The following FER1L5 variants were observed in gnomAD, a reference collection of about 807,000 sequenced individuals.
The protein encoded by FER1L5 is fer-1 like family member 5.
Under a neutral mutation model 279.9 loss-of-function variants are expected in FER1L5, and 187 were observed. The observed-to-expected ratio is 0.67, with a 90% confidence interval of 0.59 to 0.75. FER1L5 has a LOEUF of 0.75. FER1L5 is among the 30% of genes least tolerant of loss of function. FER1L5 has a pLI of 0.00. For synonymous variants in FER1L5, 921 were observed against 989.7 expected (o/e 0.93, Z 1.30); for missense variants, 2,091 against 2,594.4 (o/e 0.81, Z 4.21).
chr2:96,696,136 G>C, intron 37 of FER1L5, 59 bp downstream of exon 37: 2 of 1,605,584 alleles, frequency 1.2e-6, no homozygotes, highest in Non-Finnish European at 1.7e-6. Flanking sequence ...TAACCCTTGG[G>C]CCTAAGGAGG....
Position 96,698,198 on chromosome 2 carries a change from C to T in FER1L5, c.4356+42C>T. The stretch of plus-strand genomic sequence containing the variant: ...GCTTAGCTGCCCCTGTCTCCTTGTG[C>T]ACCTTCTGTCCCTGGAAAACGAATA... On this transcript the variant is annotated intron_variant, in intron 40 of 52. Coordinates refer to ENST00000624922, the MANE Select transcript of FER1L5 (RefSeq NM_001293083.2). The surrounding 1 kb of genome is among the most constrained non-coding windows in gnomAD (Gnocchi z 5.5). The T allele has an allele frequency of 6.5e-7, 1 of 1,533,498 alleles. No homozygotes were observed. The highest frequency in any genetic ancestry group is 8.8e-7 in the Non-Finnish European group (1 of 1,136,580). 95.0% of individuals were successfully genotyped at this position (1,533,498 alleles called of 1,614,324 possible).
chr2:96,660,419 G>T, intron 10 of FER1L5, 48 bp downstream of exon 10: 5 of 1,535,202 alleles, frequency 3.3e-6, no homozygotes, highest in Non-Finnish European at 4.4e-6. Context: ...GAAAAATCAG[G>T]CCAAGGGTCA....
chr2:96,673,962 T>C (rs2076420473), intron 19 of FER1L5, among the ~76,000 whole-genome samples: 1 of 152,182 alleles, frequency 6.6e-6, no homozygotes, highest in African/African-American at 2.4e-5. Flanking sequence ...CATCACCCAT[T>C]CTGAGCCTTT....
At chr2:96,683,057 G>A (rs1037988755) in intron 19 of FER1L5, among the ~76,000 whole-genome samples, 3 of 152,188 alleles carry the variant, frequency 2.0e-5, no homozygotes, top group African/African-American at 7.2e-5. Context: ...GAGCCACACT[G>A]GAGACAGGCA....
intron 24 of FER1L5, 28 bp downstream of exon 24, chr2:96,687,975 AGGGCAGGCACGCGGGGGTGGGGGTAGGGT>A (rs1477226063): frequency 1.3e-6 from 2 of 1,549,670 alleles, no homozygotes; most frequent in Non-Finnish European, 1.7e-6. Flanking sequence ...GCCCAAGGCC[AGGGCAGGCACGCGGGGGTGGGGGTAGGGT>A]GGCCTCGTAG....
At chr2:96,656,637 C>T (rs2075610149) in intron 9 of FER1L5, among the ~76,000 whole-genome samples, 1 of 151,732 alleles carries the variant, frequency 6.6e-6, no homozygotes, top group Non-Finnish European at 1.5e-5. Context: ...CTCAAAAAAA[C>T]AAAAACAAAA....
rs556425071 is a variant in FER1L5 at position 96,686,240 on chromosome 2, G to A, written c.2119G>A (p.Glu707Lys). 1.2e-5 allele frequency: 18 copies of A among 1,551,512 alleles called. No individual in the cohort carries two copies. The highest frequency in any genetic ancestry group is 8.3e-5 in the South Asian group (7 of 84,060). Reference sequence around the variant, plus strand: ...CGTGATGATTTGGCTGGTGGCCAAGGAGCAGCGAGTGGCCTATGCACAGGT... The same window carrying A: ...CGTGATGATTTGGCTGGTGGCCAAGAAGCAGCGAGTGGCCTATGCACAGGT... ...PDVMIWLVAK[E>K]QRVAYAQVPA... Residue 707 changes from glutamate to lysine, a missense_variant, in exon 23 of 53, where the codon GAG becomes AAG. Physicochemically the swap from Glu to Lys is moderately conservative, Grantham distance 56. Coordinates refer to ENST00000624922, the MANE Select transcript of FER1L5 (RefSeq NM_001293083.2).
At chr2:96,669,197 C>G (rs1374550700) in intron 17 of FER1L5, 60 bp downstream of exon 17, 10 of 1,495,150 alleles carry the variant, frequency 6.7e-6, no homozygotes, top group Non-Finnish European at 8.1e-6. Context: ...ATGTAAAGCA[C>G]TAGGGCCTGG....
intron 17 of FER1L5, among the ~76,000 whole-genome samples, chr2:96,669,640 T>C (rs1038925635): frequency 2.6e-5 from 4 of 152,138 alleles, no homozygotes; most frequent in Non-Finnish European, 5.9e-5. Flanking sequence ...TCAAGGCCAC[T>C]AGGAGGTCCT....
Position 96,685,444 on chromosome 2 carries a change from A to G in FER1L5, c.1895+15A>G. On this transcript the variant is annotated intron_variant, in intron 21 of 52. Coordinates refer to ENST00000624922, the MANE Select transcript of FER1L5 (RefSeq NM_001293083.2). ...GAGGACTGCAAGTAGGAGTAGGGGC[A>G]CTCCGGGATACAGCTGGCCTGGAGC... 1 of 1,544,786 alleles carries G rather than the reference A, an allele frequency of 6.5e-7. No individual in the cohort carries two copies. The highest frequency in any genetic ancestry group is 1.4e-5 in the African/African-American group (1 of 72,914).
In FER1L5 at chr2:96,694,442, C is replaced by G; in HGVS notation, c.3719C>G (p.Thr1240Arg). Residue 1240 changes from threonine (T) to arginine (R), a missense_variant, in exon 34 of 53, where the codon ACG (threonine) becomes AGG (arginine). Physicochemically the swap from Thr to Arg is moderately conservative, Grantham distance 71. Transcript: ENST00000624922. This position sits in a 1 kb window ranked among gnomAD's most constrained non-coding sequence, Gnocchi z 4.6. ...ACACTCCCCAAGAGCATCCAGCCCACGATAAAGAGGATGGCCATTGAGGTG... is the reference window on the plus strand; with the variant it reads ...ACACTCCCCAAGAGCATCCAGCCCAGGATAAAGAGGATGGCCATTGAGGTG... ...AYTLPKSIQP[T>R]IKRMAIEILA... 3 of 1,547,240 alleles carry G rather than the reference C, an allele frequency of 1.9e-6. No homozygotes were observed. Among genetic ancestry groups the G allele is most frequent in the Non-Finnish European group, 1.7e-6 (2 of 1,144,402 alleles).
chr2:96,668,626 G>A, intron 14 of FER1L5, 125 bp from the exon 15 acceptor site: 1 of 1,078,510 alleles, frequency 9.3e-7, no homozygotes, highest in African/African-American at 1.6e-5. Flanking sequence ...ATGATGAAGT[G>A]GCTCACTGGT....
rs1277926138 is a variant in FER1L5, at chr2:96,659,345, C to T, written c.748-996C>T. 1.1e-4 allele frequency among the ~76,000 whole-genome samples: 9 copies of T among 83,314 alleles called. 1 individual carries two copies. Among genetic ancestry groups the T allele is most frequent in the East Asian group, 4.0e-4 (1 of 2,518 alleles). 54.7% of individuals were successfully genotyped at this position (83,314 alleles called of 152,430 possible). On this transcript the variant is annotated intron_variant, in intron 9 of 52. Transcript: ENST00000624922. The stretch of plus-strand genomic sequence containing the variant: ...TCCTTCCTTCCTTCCTTCCTTCCTT[C>T]CTTCCTTCCTTCCTTCCTTCTTTCT...
At position 96,680,525 on chromosome 2, in the gene FER1L5, T is replaced by A. The variant is rs909341360; in HGVS notation, c.1670-3802T>A. Among the ~76,000 whole-genome samples the A allele has an allele frequency of 4.6e-5, 7 of 152,088 alleles. 1 individual carries two copies. The highest frequency in any genetic ancestry group is 1.3e-4 in the Admixed American group (2 of 15,254). ...TGCATTCTAGATGATTTCTTCTAGA[T>A]CTTCATAGAAAGTCCTTAGGTGACC... On this transcript the variant is annotated intron_variant, in intron 19 of 52. Coordinates refer to ENST00000624922, the MANE Select transcript of FER1L5 (RefSeq NM_001293083.2).
At position 96,697,696 on chromosome 2, in the gene FER1L5, C is replaced by A. The variant is rs2077434343; in HGVS notation, c.4171C>A (p.Leu1391Met). 1 of 1,614,038 alleles carries A rather than the reference C, an allele frequency of 6.2e-7. No homozygotes were observed. The highest frequency in any genetic ancestry group is 8.5e-7 in the Non-Finnish European group (1 of 1,179,896). Residue 1391 changes from leucine (L) to methionine (M), a missense_variant, in exon 39 of 53, where the codon CTG becomes ATG. Physicochemically the swap from Leu to Met is conservative, Grantham distance 15. Coordinates refer to ENST00000624922, the MANE Select transcript of FER1L5 (RefSeq NM_001293083.2). Reference protein sequence around the residue: ...YEHEVDWWSKLFWATDEHKSL... With the variant: ...YEHEVDWWSKMFWATDEHKSL... ...GCATGAGGTGGACTGGTGGAGCAAG[C>A]TGTTCTGGGCCACAGATGAGCACAA... is the stretch of plus-strand genomic sequence containing the variant.
rs572844740 is a variant in FER1L5 at position 96,648,943 on chromosome 2, A to G, written c.340-680A>G. Among the ~76,000 whole-genome samples, 76 of 151,232 alleles carry G rather than the reference A, an allele frequency of 5.0e-4. 1 individual carries two copies. In the South Asian group the frequency reaches 0.015, roughly 29 times the overall value. On this transcript the variant is annotated intron_variant, in intron 4 of 52. Coordinates refer to ENST00000624922, the MANE Select transcript of FER1L5 (RefSeq NM_001293083.2). The stretch of plus-strand genomic sequence containing the variant: ...GTAAGAAGAGGCTTGAGTTTTCCCA[A>G]TGGACAGGAGTGGAAGACCAGCCCA...
At position 96,686,226 on chromosome 2, in the gene FER1L5, G is replaced by A; in HGVS notation, c.2105G>A (p.Trp702Ter). The A allele has an allele frequency of 6.4e-7, 1 of 1,551,340 alleles. No homozygotes were observed. Among genetic ancestry groups the A allele is most frequent in the Non-Finnish European group, 8.7e-7 (1 of 1,146,760 alleles). Residue 702 changes from tryptophan (W) to a stop codon, truncating the protein, a stop_gained, in exon 23 of 53, where the codon TGG becomes TAG. Transcript: ENST00000624922. LOFTEE classifies it high-confidence loss of function. ...ATGGGCCTCCCTGACGTGATGATTT[G>A]GCTGGTGGCCAAGGAGCAGCGAGTG... ...PQMGLPDVMI[W>*]LVAKEQRVAY...
chr2:96,679,228 G>GAT (rs1553456421), intron 19 of FER1L5, among the ~76,000 whole-genome samples: 4 of 143,578 alleles, frequency 2.8e-5, no homozygotes, highest in African/African-American at 1.0e-4. Flanking sequence ...CACACCTATA[G>GAT]TTTTTTTTTT....
At chr2:96,649,535 G>A in intron 4 of FER1L5, 88 bp from the exon 5 acceptor site, 1 of 1,334,980 alleles carries the variant, frequency 7.5e-7, no homozygotes, top group Non-Finnish European at 1.0e-6. Flanking sequence ...AGGACCAGGT[G>A]TGAACCCAAC....
Sources: allele counts gnomAD v4.1 joint callset (sites outside exome capture counted in the v4.1 genomes callset), GRCh38; gene constraint gnomAD v4.1.1; non-coding constraint Gnocchi (gnomAD v3.1); transcripts MANE v1.5; gene names NCBI Gene and HGNC (gene_info 2026-07-23, HGNC 2026-07-21).